Variants in FOXO3 observed in about 807,000 individuals in gnomAD.
FOXO3 encodes forkhead box O3.
FOXO3 carries 4 observed loss-of-function variants against 41.9 expected under a neutral mutation model. The ratio of observed to expected loss-of-function variants is 0.10; its 90% confidence interval spans 0.05 to 0.22. FOXO3 has a LOEUF of 0.22. Among genes scored for constraint, FOXO3 ranks in the 10% least tolerant of loss-of-function variants. FOXO3 has a pLI of 1.00. For missense variants in FOXO3, 534 were observed against 906.8 expected, an observed-to-expected ratio of 0.59 and a Z score of 5.28; for synonymous variants, 318 against 389.3, an observed-to-expected ratio of 0.82 and a Z score of 2.16.
chr6:108,592,940 T>C (rs1183191434), intron 1 of FOXO3, among the ~76,000 whole-genome samples: 1 of 152,212 alleles, frequency 6.6e-6, no homozygotes, highest in Non-Finnish European at 1.5e-5. Context: ...TGTTATAATT[T>C]AGAGAGACGT....
upstream of FOXO3, chr6:108,560,814 G>C: frequency 5.7e-6 from 2 of 353,142 alleles, no homozygotes; most frequent in Non-Finnish European, 9.0e-6. Context: ...CCGCCCCGCC[G>C]CCTAGCCCGG....
chr6:108,665,822 A>T (rs1291698003), intron 2 of FOXO3, among the ~76,000 whole-genome samples: 1 of 151,674 alleles, frequency 6.6e-6, no homozygotes, highest in Non-Finnish European at 1.5e-5. Flanking sequence ...GAAAAAAAAA[A>T]AAAAAAAGCC....
chr6:108,658,999 C>A (rs1325663127), intron 1 of FOXO3, among the ~76,000 whole-genome samples: 3 of 152,170 alleles, frequency 2.0e-5, no homozygotes, highest in Non-Finnish European at 2.9e-5. Flanking sequence ...ATCCTCCCAC[C>A]TCAGCCTCCC....
At chr6:108,596,382 GAAAAAAAA>G (rs61683111) in intron 1 of FOXO3, among the ~76,000 whole-genome samples, 2 of 58,294 alleles carry the variant, frequency 3.4e-5, no homozygotes, top group South Asian at 5.2e-4. Flanking sequence ...TGGCCTAAAT[GAAAAAAAA>G]AAAAAAAAAA....
intron 2 of FOXO3, among the ~76,000 whole-genome samples, chr6:108,670,065 T>C (rs6939128): frequency 0.99 from 151,223 of 152,304 alleles, 75,079 homozygotes; most frequent in East Asian, 1. Context: ...CACAGGCTTA[T>C]CTTTCTATAT....
At chr6:108,594,511 C>A (rs1776820664) in intron 1 of FOXO3, among the ~76,000 whole-genome samples, 1 of 152,194 alleles carries the variant, frequency 6.6e-6, no homozygotes, top group South Asian at 2.1e-4. Context: ...CAGAGGCATG[C>A]AGCATTTTCT....
intron 1 of FOXO3, among the ~76,000 whole-genome samples, chr6:108,633,882 C>T (rs554779857): frequency 9.4e-4 from 143 of 152,074 alleles, no homozygotes; most frequent in Middle Eastern, 6.8e-3. Flanking sequence ...ACCAATTGCC[C>T]AGAGCAATCC....
At chr6:108,644,206 G>T (rs887707776) in intron 1 of FOXO3, among the ~76,000 whole-genome samples, 18 of 152,144 alleles carry the variant, frequency 1.2e-4, no homozygotes, top group Non-Finnish European at 8.8e-5. Context: ...ATGTGGTCTT[G>T]GGCAGGTTTC....
At chr6:108,643,537 C>T (rs1031802164) in intron 1 of FOXO3, among the ~76,000 whole-genome samples, 1 of 152,146 alleles carries the variant, frequency 6.6e-6, no homozygotes, top group Non-Finnish European at 1.5e-5. Context: ...AACAACTGCT[C>T]TTCTATTTTG....
chr6:108,653,302 T>C (rs1778596579), intron 1 of FOXO3, among the ~76,000 whole-genome samples: 1 of 152,238 alleles, frequency 6.6e-6, no homozygotes, highest in Admixed American at 6.5e-5. Context: ...CCCCCTACTA[T>C]GTACCAGGCC....
Position 108,564,726 on chromosome 6 carries a change from A to G in FOXO3, c.621+2897A>G, listed in dbSNP as rs148875186. ...TACCTGGGAACTTCTGAAAAATACA[A>G]ATACCCAGAGAATTTGATATAATTT... On this transcript the variant is annotated intron_variant, in intron 1 of 2. Coordinates refer to ENST00000406360, the MANE Select transcript of FOXO3 (RefSeq NM_001455.4). 4.7e-4 allele frequency among the ~76,000 whole-genome samples: 71 copies of G among 152,244 alleles called. No individual in the cohort carries two copies. The East Asian group carries it at 0.013, about 27-fold the overall frequency.
At chr6:108,671,443 G>A (rs3778587) in intron 2 of FOXO3, among the ~76,000 whole-genome samples, 2,288 of 152,318 alleles carry the variant, frequency 0.015, 73 homozygotes, top group South Asian at 0.12. Flanking sequence ...CAGAGGAGCT[G>A]TGGGACTTGC....
intron 1 of FOXO3, among the ~76,000 whole-genome samples, chr6:108,649,515 CTT>C (rs886836999): frequency 1.3e-3 from 121 of 95,178 alleles, no homozygotes; most frequent in African/African-American, 5.0e-3. Flanking sequence ...CCACCCTCAG[CTT>C]TTTTTTTTTT....
chr6:108,591,061 T>C (rs1776721255), intron 1 of FOXO3, among the ~76,000 whole-genome samples: 1 of 152,242 alleles, frequency 6.6e-6, no homozygotes, highest in South Asian at 2.1e-4. Flanking sequence ...CCTGCCCTTG[T>C]GACTTGTAAA....
intron 1 of FOXO3, among the ~76,000 whole-genome samples, chr6:108,643,922 A>G (rs893304671): frequency 2.0e-5 from 3 of 152,202 alleles, no homozygotes; most frequent in African/African-American, 7.2e-5. Flanking sequence ...TGTATTCTAG[A>G]ATGTACCATC....
At chr6:108,631,606 A>T (rs750590683) in intron 1 of FOXO3, among the ~76,000 whole-genome samples, 2 of 151,506 alleles carry the variant, frequency 1.3e-5, no homozygotes, top group Non-Finnish European at 2.9e-5. Flanking sequence ...CTCTCTTGAC[A>T]TTTTTCCCCC....
At chr6:108,617,915 T>C in intron 1 of FOXO3, 1 of 422,126 alleles carries the variant, frequency 2.4e-6, no homozygotes, top group South Asian at 2.1e-5. Context: ...AGGGATGTAT[T>C]GGAACCAAAT....
chr6:108,607,717 T>C (rs1777246186), intron 1 of FOXO3, among the ~76,000 whole-genome samples: 1 of 152,172 alleles, frequency 6.6e-6, no homozygotes. Context: ...CCTTCTGCCT[T>C]TAGGGACTTG....
intron 1 of FOXO3, among the ~76,000 whole-genome samples, chr6:108,582,106 C>T (rs899124582): frequency 6.6e-6 from 1 of 152,156 alleles, no homozygotes. Context: ...CATATAGGGA[C>T]AACGTATTTT....
Sources: gnomAD v4.1 joint callset for allele counts (sites outside exome capture counted in the v4.1 genomes callset) on GRCh38, gnomAD v4.1.1 for gene constraint, MANE v1.5 for transcripts, NCBI Gene and HGNC (gene_info 2026-07-23, HGNC 2026-07-21) for gene names.